The following EIF2AK4 variants were observed in gnomAD, a reference collection of about 807,000 sequenced individuals.
EIF2AK4 encodes the protein eIF-2-alpha kinase GCN2.
Under a neutral mutation model 211.1 loss-of-function variants are expected in EIF2AK4, and 139 were observed. The observed-to-expected ratio is 0.66, with a 90% CI of 0.57 to 0.76. The LOEUF is 0.76. Among genes scored for constraint, EIF2AK4 ranks in the 30% least tolerant of loss-of-function variants. The pLI is 0.00. For missense variants in EIF2AK4, 1,664 were observed against 2,043.8 expected (o/e 0.81, Z 3.58); for synonymous variants, 710 against 751.3 (o/e 0.94, Z 0.90).
chr15:40,020,768 C>A, intron 30 of EIF2AK4, 131 bp from the exon 31 acceptor site: 1 of 682,714 alleles, frequency 1.5e-6, no homozygotes, highest in Non-Finnish European at 2.2e-6. Flanking sequence ...GTCTTTGGCA[C>A]GCTGTGTTTC....
At chr15:39,983,453 T>G (rs1172260257) in intron 13 of EIF2AK4, among the ~76,000 whole-genome samples, 1 of 152,216 alleles carries the variant, frequency 6.6e-6, no homozygotes, top group African/African-American at 2.4e-5. Context: ...TAGCCTTTTT[T>G]TTTTTTGAGA....
At chr15:40,011,092 A>T (rs755012766) in intron 26 of EIF2AK4, among the ~76,000 whole-genome samples, 189 bp from the exon 27 acceptor site, 13 of 152,200 alleles carry the variant, frequency 8.5e-5, no homozygotes, top group Non-Finnish European at 1.6e-4. Context: ...AGATTTTAAA[A>T]TAAGTTAATT....
At position 40,030,385 on chromosome 15, in the gene EIF2AK4, G is replaced by A. The variant is rs542527519; in HGVS notation, c.4588G>A (p.Val1530Met). 29 of 1,614,160 alleles carry A rather than the reference G, an allele frequency of 1.8e-5. No homozygotes were observed. In the African/African-American group the frequency reaches 2.3e-4, roughly 13 times the overall value. ...TTTGTTTGAAATCCATGGAGCAACA[G>A]TGGTTCCCATTGTGAGTGTGCTAGC... is the stretch of plus-strand genomic sequence containing the variant. ...SGLFEIHGAT[V>M]VPIVSVLAPE... The change falls in exon 35 of 39, where the codon GTG (valine) becomes ATG (methionine). Residue 1530 changes from valine to methionine, a missense_variant. Coordinates refer to ENST00000263791, the MANE Select transcript of EIF2AK4 (RefSeq NM_001013703.4).
At chr15:39,972,640 T>C (rs1202802149) in intron 9 of EIF2AK4, among the ~76,000 whole-genome samples, 1 of 152,222 alleles carries the variant, frequency 6.6e-6, no homozygotes, top group Non-Finnish European at 1.5e-5. Flanking sequence ...CTTAGACTTT[T>C]AAAAAATTGT....
chr15:39,981,188 G>T (rs982689550), intron 13 of EIF2AK4, among the ~76,000 whole-genome samples: 1 of 152,084 alleles, frequency 6.6e-6, no homozygotes, highest in Admixed American at 6.5e-5. Flanking sequence ...TGGCCAACAT[G>T]GTGAAACCCC....
rs143787701 is a variant in EIF2AK4, at chr15:39,996,556, A to C, written c.2767-408A>C. On this transcript the variant is annotated intron_variant, in intron 18 of 38. Transcript: ENST00000263791. Reference sequence around the variant, plus strand: ...CCACTCTGTACAAAAAATACACACAAAAAAATTAGCTGGGCATGGTGGTGC... The same window carrying C: ...CCACTCTGTACAAAAAATACACACACAAAAATTAGCTGGGCATGGTGGTGC... Among the ~76,000 whole-genome samples the C allele has an allele frequency of 3.5e-3, 528 of 152,140 alleles. 2 individuals are homozygous for C. The highest frequency in any genetic ancestry group is 5.2e-3 in the Non-Finnish European group (355 of 67,974).
chr15:39,985,404 A>T (rs973030746), intron 13 of EIF2AK4, among the ~76,000 whole-genome samples: 1 of 152,168 alleles, frequency 6.6e-6, no homozygotes, highest in Non-Finnish European at 1.5e-5. Context: ...ATTGCTTGGA[A>T]TAGTTTTAAA....
chr15:39,989,715 AT>A (rs1363916477), intron 15 of EIF2AK4, among the ~76,000 whole-genome samples: 1 of 152,236 alleles, frequency 6.6e-6, no homozygotes, highest in Non-Finnish European at 1.5e-5. Context: ...GCATGAAACA[AT>A]ACAGATTATG....
chr15:39,985,585 T>C (rs2034853341), intron 13 of EIF2AK4, among the ~76,000 whole-genome samples: 1 of 152,118 alleles, frequency 6.6e-6, no homozygotes, highest in Non-Finnish European at 1.5e-5. Flanking sequence ...AGTTCTGAAA[T>C]TGAGGCAGTA....
intron 34 of EIF2AK4, 122 bp from the exon 35 acceptor site, chr15:40,030,237 C>A (rs935902160): frequency 1.0e-6 from 1 of 962,714 alleles, no homozygotes; most frequent in Middle Eastern, 2.4e-4. Context: ...ACAGCCCAGT[C>A]GTGATCTAGC....
rs968563888 is a variant in EIF2AK4, at chr15:39,950,624, A to G, written c.513+1356A>G. ...AAAAAAAAGAAAAGAAAAGAAAAAT[A>G]TAGTGAATGGGTGTAATCTACTGTA... On this transcript the variant is annotated intron_variant, in intron 4 of 38. Transcript: ENST00000263791. Among the ~76,000 whole-genome samples the G allele has an allele frequency of 6.6e-5, 10 of 152,038 alleles. No individual in the cohort carries two copies. In the South Asian group the frequency reaches 8.3e-4, roughly 13 times the overall value.
chr15:39,958,700 A>G (rs1170136601), intron 6 of EIF2AK4, among the ~76,000 whole-genome samples: 1 of 152,172 alleles, frequency 6.6e-6, no homozygotes, highest in African/African-American at 2.4e-5. Context: ...AGGGACCTAG[A>G]ACTAGCATTT....
At chr15:40,033,938 G>A (rs1406963913) in intron 37 of EIF2AK4, among the ~76,000 whole-genome samples, 1 of 149,600 alleles carries the variant, frequency 6.7e-6, no homozygotes, top group Admixed American at 6.8e-5. Flanking sequence ...TGAGGCAGAA[G>A]AATTACTTGA....
rs564183561 is a variant in EIF2AK4 at position 39,979,978 on chromosome 15, A to G, written c.2319+1831A>G. Among the ~76,000 whole-genome samples, 14 of 152,352 alleles carry G rather than the reference A, an allele frequency of 9.2e-5. No individual in the cohort carries two copies. The South Asian group carries it at 2.7e-3, about 29-fold the overall frequency. ...AAGCTCTTTTTTGTTTGTTTTGAAG[A>G]CAACAGATTGAAGGCAAAAGAATAC... On this transcript the variant is annotated intron_variant, in intron 13 of 38. Transcript: ENST00000263791.
At chr15:40,013,471 TG>T (rs1407494585) in intron 27 of EIF2AK4, among the ~76,000 whole-genome samples, 3 of 152,174 alleles carry the variant, frequency 2.0e-5, no homozygotes, top group Non-Finnish European at 4.4e-5. Context: ...TCCACATGGC[TG>T]GGGAGGCCTC....
chr15:39,989,366 G>C (rs1378917715), intron 15 of EIF2AK4, among the ~76,000 whole-genome samples: 1 of 152,188 alleles, frequency 6.6e-6, no homozygotes, highest in Non-Finnish European at 1.5e-5. Flanking sequence ...TGAGAAGCAA[G>C]GGCTGTAATT....
At chr15:40,015,353 G>A (rs1341759861) in intron 27 of EIF2AK4, among the ~76,000 whole-genome samples, 2 of 152,230 alleles carry the variant, frequency 1.3e-5, no homozygotes, top group African/African-American at 4.8e-5. Context: ...CTCTGTGGCT[G>A]AGGAGGCCTC....
At chr15:39,999,365 A>T (rs1376363514) in intron 20 of EIF2AK4, among the ~76,000 whole-genome samples, 1 of 152,160 alleles carries the variant, frequency 6.6e-6, no homozygotes, top group Non-Finnish European at 1.5e-5. Context: ...GGCTTCTGGT[A>T]TGCCTTTCTT....
chr15:39,981,848 A>C (rs919557972), intron 13 of EIF2AK4, among the ~76,000 whole-genome samples: 1 of 151,756 alleles, frequency 6.6e-6, no homozygotes, highest in Non-Finnish European at 1.5e-5. Context: ...AGGGTCATTC[A>C]CTGTAAGTGG....
Sources: gnomAD v4.1 joint callset for allele counts (sites outside exome capture counted in the v4.1 genomes callset) on GRCh38, gnomAD v4.1.1 for gene constraint, MANE v1.5 for transcripts, NCBI Gene and HGNC (gene_info 2026-07-23, HGNC 2026-07-21) for gene names.